Variants in TAFA1 observed in about 807,000 individuals in gnomAD.
TAFA1 encodes chemokine-like protein TAFA-1.
TAFA1 carries 4 observed loss-of-function variants against 18.5 expected under a neutral mutation model. That is an observed-to-expected ratio of 0.22 (90% confidence interval 0.11 to 0.49). The LOEUF is 0.49. Ranked by LOEUF, TAFA1 falls within the 20% of genes least tolerant of loss-of-function variation. The probability of loss-of-function intolerance (pLI) is 0.98; values close to 1 mark genes in which losing one functional copy is unlikely to be tolerated. For missense variants in TAFA1, 147 were observed against 169.0 expected, an observed-to-expected ratio of 0.87 and a Z score of 0.72; for synonymous variants, 56 against 55.2, an observed-to-expected ratio of 1.01 and a Z score of -0.06.
intron 2 of TAFA1, among the ~76,000 whole-genome samples, chr3:68,090,683 C>T (rs1448410903): frequency 2.0e-5 from 3 of 152,132 alleles, no homozygotes; most frequent in Admixed American, 6.5e-5. Flanking sequence ...CTGCTATTTA[C>T]TACTGTTTTT....
At chr3:68,107,081 C>T (rs894464445) in intron 2 of TAFA1, among the ~76,000 whole-genome samples, 4 of 152,098 alleles carry the variant, frequency 2.6e-5, no homozygotes, top group African/African-American at 9.7e-5. Context: ...TGCAGCCAAA[C>T]ATTACCAGTT....
intron 2 of TAFA1, among the ~76,000 whole-genome samples, chr3:68,134,306 C>G (rs551639592): frequency 6.6e-6 from 1 of 152,184 alleles, no homozygotes; most frequent in East Asian, 1.9e-4. Flanking sequence ...GACCAACGCT[C>G]AAGTCACATT....
chr3:68,335,355 C>G (rs954783507), intron 2 of TAFA1, among the ~76,000 whole-genome samples: 2 of 152,188 alleles, frequency 1.3e-5, no homozygotes, highest in Admixed American at 1.3e-4. Flanking sequence ...TGGGCTTCAA[C>G]TCTGAGTCTT....
chr3:68,278,186 C>T (rs2067830472), intron 2 of TAFA1, among the ~76,000 whole-genome samples: 1 of 152,088 alleles, frequency 6.6e-6, no homozygotes, highest in Admixed American at 6.6e-5. Flanking sequence ...GTTTCTTTCT[C>T]TCTTCATTCA....
At chr3:68,387,490 G>C (rs1279052477) in intron 2 of TAFA1, among the ~76,000 whole-genome samples, 1 of 152,130 alleles carries the variant, frequency 6.6e-6, no homozygotes, top group African/African-American at 2.4e-5. Context: ...CCATGGAAAT[G>C]TTGTATCTCA....
At chr3:68,217,951 G>C (rs1362662868) in intron 2 of TAFA1, among the ~76,000 whole-genome samples, 1 of 151,954 alleles carries the variant, frequency 6.6e-6, no homozygotes, top group Admixed American at 6.6e-5. Flanking sequence ...TACCTTTAAA[G>C]GTTTAGAGGA....
chr3:68,524,915 C>T (rs2073084709), intron 3 of TAFA1, among the ~76,000 whole-genome samples: 1 of 152,176 alleles, frequency 6.6e-6, no homozygotes, highest in African/African-American at 2.4e-5. Context: ...TCGTGATCCG[C>T]CCACCTCAGC....
chr3:68,207,672 A>T (rs2066543598), intron 2 of TAFA1, among the ~76,000 whole-genome samples: 2 of 151,988 alleles, frequency 1.3e-5, no homozygotes. Flanking sequence ...ATTTTACAGC[A>T]ATAAAAATTT....
chr3:68,429,350 G>C (rs990207402), intron 3 of TAFA1, among the ~76,000 whole-genome samples: 2 of 151,828 alleles, frequency 1.3e-5, no homozygotes, highest in African/African-American at 4.8e-5. Context: ...CCTTATAATA[G>C]CCTTATAAGA....
intron 3 of TAFA1, among the ~76,000 whole-genome samples, chr3:68,537,697 T>C (rs1172342701): frequency 6.6e-6 from 1 of 152,076 alleles, no homozygotes; most frequent in Non-Finnish European, 1.5e-5. Flanking sequence ...GTTTGCTGAC[T>C]CTCTGAACAG....
intron 3 of TAFA1, among the ~76,000 whole-genome samples, chr3:68,436,432 G>C (rs2071269463): frequency 6.6e-6 from 1 of 152,092 alleles, no homozygotes; most frequent in Non-Finnish European, 1.5e-5. Context: ...GGAGAAACAG[G>C]ACAGAGAGGA....
At chr3:68,361,654 G>GT (rs1669592390) in intron 2 of TAFA1, among the ~76,000 whole-genome samples, 1 of 148,202 alleles carries the variant, frequency 6.7e-6, no homozygotes, top group South Asian at 2.1e-4. Flanking sequence ...GAAAACAAAG[G>GT]AAAAAAAAAA....
chr3:68,211,876 G>A lies in TAFA1; in HGVS notation c.118+205132G>A, dbSNP rs774419731. 5.3e-5 allele frequency among the ~76,000 whole-genome samples: 8 copies of A among 152,044 alleles called. No homozygotes were observed. The South Asian group carries it at 1.0e-3, about 20-fold the overall frequency. ...GTTCACAGTGACACAGCACCAAGCC[G>A]TTTATGAGGAATCCACCCTCATGAT... is the stretch of plus-strand genomic sequence containing the variant. On this transcript the variant is annotated intron_variant, in intron 2 of 4. Transcript: ENST00000478136.
intron 2 of TAFA1, among the ~76,000 whole-genome samples, chr3:68,163,403 A>T (rs367837717): frequency 5.1e-4 from 77 of 152,336 alleles, no homozygotes; most frequent in African/African-American, 1.8e-3. Flanking sequence ...TGTAGACATT[A>T]AACTGATTTT....
chr3:68,142,072 C>T (rs932825464), intron 2 of TAFA1, among the ~76,000 whole-genome samples: 1 of 152,156 alleles, frequency 6.6e-6, no homozygotes, highest in African/African-American at 2.4e-5. Flanking sequence ...TTACCTCTAG[C>T]TTAGCGGAGT....
At chr3:68,094,391 T>C (rs1229771387) in intron 2 of TAFA1, among the ~76,000 whole-genome samples, 1 of 152,090 alleles carries the variant, frequency 6.6e-6, no homozygotes, top group East Asian at 1.9e-4. Context: ...GGGCTCTTAG[T>C]CTATTATATT....
intron 3 of TAFA1, among the ~76,000 whole-genome samples, chr3:68,422,391 G>A (rs913089172): frequency 9.2e-5 from 14 of 152,058 alleles, no homozygotes; most frequent in Non-Finnish European, 1.5e-4. Context: ...TATACACCAC[G>A]TTTGTCCTAA....
intron 2 of TAFA1, among the ~76,000 whole-genome samples, chr3:68,100,140 G>A: frequency 6.6e-6 from 1 of 151,870 alleles, no homozygotes; most frequent in African/African-American, 2.4e-5. Context: ...TACAATCCCT[G>A]AATATAAAAT....
rs2067253908 is a variant in TAFA1, at chr3:68,254,200, A to G, written c.119-163080A>G. On this transcript the variant is annotated intron_variant, in intron 2 of 4. Coordinates refer to ENST00000478136, the MANE Select transcript of TAFA1 (RefSeq NM_213609.4). ...ATCTATCTATCTAATCTGTCTATCC[A>G]TTGAGAAATGAGTATACTTCCTACT... Among the ~76,000 whole-genome samples the G allele has an allele frequency of 2.1e-5, 3 of 140,702 alleles. No homozygotes were observed. In the Admixed American group the frequency reaches 2.3e-4, roughly 11 times the overall value. The allele number at this position is 140,702 out of a possible 152,430, so 92.3% of individuals were successfully genotyped here.
Sources: allele counts gnomAD v4.1 joint callset (sites outside exome capture counted in the v4.1 genomes callset), GRCh38; gene constraint gnomAD v4.1.1; transcripts MANE v1.5; gene names NCBI Gene and HGNC (gene_info 2026-07-23, HGNC 2026-07-21).